Variants in ZRANB3 observed in about 807,000 individuals in gnomAD.
The protein encoded by ZRANB3 is zinc finger RANBP2-type containing 3.
ZRANB3 carries 125 observed loss-of-function variants against 133.8 expected under a neutral mutation model. That is an observed-to-expected ratio of 0.93 (90% CI 0.81 to 1.08). The LOEUF is 1.08. Among genes scored for constraint, ZRANB3 ranks in the 50% least tolerant of loss-of-function variants. The pLI is 0.00. For synonymous variants in ZRANB3, 387 were observed against 432.7 expected (o/e 0.89, Z 1.31); for missense variants, 1,229 against 1,275.5 (o/e 0.96, Z 0.56).
chr2:135,262,159 CAAA>C (rs755264566), intron 12 of ZRANB3, among the ~76,000 whole-genome samples: 4 of 63,966 alleles, frequency 6.3e-5, no homozygotes, highest in African/African-American at 2.0e-4. Context: ...ACTCCATCTC[CAAA>C]AAAAAAAAAA....
intron 1 of ZRANB3, among the ~76,000 whole-genome samples, chr2:135,505,162 T>C (rs890954775): frequency 2.6e-5 from 4 of 152,180 alleles, no homozygotes; most frequent in Non-Finnish European, 4.4e-5. Flanking sequence ...ATCTGTAAAT[T>C]CTTATAACTC....
chr2:135,468,719 A>G (rs1691114024), intron 2 of ZRANB3, among the ~76,000 whole-genome samples: 1 of 152,218 alleles, frequency 6.6e-6, no homozygotes, highest in Admixed American at 6.5e-5. Context: ...GCAACAAGAA[A>G]GTATTATGAG....
intron 1 of ZRANB3, among the ~76,000 whole-genome samples, chr2:135,527,180 TAC>T (rs1461922682): frequency 6.6e-6 from 1 of 152,294 alleles, no homozygotes; most frequent in Non-Finnish European, 1.5e-5. Context: ...CCTCATATTT[TAC>T]AGTTTGACTC....
At chr2:135,244,479 G>A (rs1558858767) in intron 12 of ZRANB3, among the ~76,000 whole-genome samples, 3 of 152,018 alleles carry the variant, frequency 2.0e-5, no homozygotes, top group Non-Finnish European at 4.4e-5. Flanking sequence ...GTGGTGGTGG[G>A]TGCCTGTAAT....
At position 135,200,368 on chromosome 2, in the gene ZRANB3, T is replaced by A. The variant is rs372367967; in HGVS notation, c.3214A>T (p.Ile1072Phe). ...QSLASKHGSD[I>F]TRFLVKK ...TACTTCTTTACCAAAAATCGTGTGA[T>A]GTCTGATCCATGCTTTGATGCTAGA... Residue 1072 changes from isoleucine (I) to phenylalanine (F), a missense_variant, in exon 21 of 21, where the codon ATC (isoleucine) becomes TTC (phenylalanine). Transcript: ENST00000264159. 3.9e-5 allele frequency: 63 copies of A among 1,604,644 alleles called. No homozygotes were observed. In the African/African-American group the frequency reaches 7.2e-4, roughly 18 times the overall value.
intron 2 of ZRANB3, among the ~76,000 whole-genome samples, chr2:135,488,021 A>G (rs570456054): frequency 8.1e-4 from 123 of 152,266 alleles, no homozygotes; most frequent in African/African-American, 2.7e-3. Context: ...TTAAAGTGAG[A>G]GATGTATGAT....
intron 12 of ZRANB3, among the ~76,000 whole-genome samples, chr2:135,261,033 T>A (rs1679938687): frequency 6.7e-6 from 1 of 149,800 alleles, no homozygotes; most frequent in Admixed American, 6.7e-5. Context: ...TATACTGAAA[T>A]ATCCACAAGC....
chr2:135,498,069 A>T (rs1051417623), intron 2 of ZRANB3, among the ~76,000 whole-genome samples: 18 of 131,280 alleles, frequency 1.4e-4, no homozygotes, highest in African/African-American at 5.7e-4. Context: ...AATAAATAAT[A>T]AATAAATAAA....
chr2:135,328,696 C>T (rs1436169952), intron 6 of ZRANB3, among the ~76,000 whole-genome samples: 1 of 152,188 alleles, frequency 6.6e-6, no homozygotes, highest in Admixed American at 6.5e-5. Flanking sequence ...AAAAACATTC[C>T]TATTTCTCCA....
chr2:135,290,436 A>G (rs1238874941), intron 8 of ZRANB3, among the ~76,000 whole-genome samples: 3 of 152,112 alleles, frequency 2.0e-5, no homozygotes, highest in Non-Finnish European at 4.4e-5. Context: ...TTTGGTGTCC[A>G]TTTACATGGA....
chr2:135,341,433 AAACTGAGGATGCATGTC>A, intron 6 of ZRANB3, among the ~76,000 whole-genome samples: 1 of 150,096 alleles, frequency 6.7e-6, no homozygotes, highest in Middle Eastern at 3.4e-3. Context: ...TCATCTTTGT[AAACTGAGGATGCATGTC>A]ACGTCAGGAT....
intron 12 of ZRANB3, among the ~76,000 whole-genome samples, chr2:135,232,447 T>C (rs555230221): frequency 6.6e-6 from 1 of 152,304 alleles, no homozygotes; most frequent in South Asian, 2.1e-4. Context: ...AAGAGAGTAG[T>C]GGTTCTCCCA....
intron 1 of ZRANB3, among the ~76,000 whole-genome samples, chr2:135,520,387 T>C (rs947328837): frequency 2.0e-5 from 3 of 149,884 alleles, no homozygotes; most frequent in African/African-American, 7.4e-5. Context: ...AGAGTAAGAC[T>C]CCACCTCAAA....
chr2:135,386,857 G>C (rs1327672484), intron 3 of ZRANB3, among the ~76,000 whole-genome samples: 1 of 152,002 alleles, frequency 6.6e-6, no homozygotes, highest in Non-Finnish European at 1.5e-5. Context: ...GGGGCCCTGG[G>C]GGAGGGATAG....
intron 6 of ZRANB3, among the ~76,000 whole-genome samples, chr2:135,336,581 G>A (rs1370804109): frequency 6.6e-6 from 1 of 152,158 alleles, no homozygotes; most frequent in Non-Finnish European, 1.5e-5. Context: ...AATGGAACCT[G>A]AAAGAAAATG....
At chr2:135,344,670 G>C (rs186992489) in intron 6 of ZRANB3, among the ~76,000 whole-genome samples, 1 of 152,278 alleles carries the variant, frequency 6.6e-6, no homozygotes, top group African/African-American at 2.4e-5. Flanking sequence ...ATCGGAAGCG[G>C]AGGTTGCAGT....
chr2:135,215,651 T>A (rs541141560), intron 17 of ZRANB3, among the ~76,000 whole-genome samples: 1 of 152,372 alleles, frequency 6.6e-6, no homozygotes, highest in South Asian at 2.1e-4. Flanking sequence ...TTTAGTTTTA[T>A]AACTGACCTC....
chr2:135,444,171 G>C (rs993380700), intron 2 of ZRANB3, among the ~76,000 whole-genome samples: 1 of 151,946 alleles, frequency 6.6e-6, no homozygotes, highest in Admixed American at 6.6e-5. Flanking sequence ...TTGCCATAGG[G>C]AATGTAAAAT....
intron 19 of ZRANB3, among the ~76,000 whole-genome samples, chr2:135,205,069 G>T (rs1693803009): frequency 1.3e-5 from 2 of 152,024 alleles, no homozygotes; most frequent in South Asian, 4.1e-4. Flanking sequence ...TATCATTAGA[G>T]AAATAGTGTA....
Sources: allele counts gnomAD v4.1 joint callset (sites outside exome capture counted in the v4.1 genomes callset), GRCh38; gene constraint gnomAD v4.1.1; transcripts MANE v1.5; gene names NCBI Gene and HGNC (gene_info 2026-07-23, HGNC 2026-07-21).